The following STXBP6 variants were observed in gnomAD, a reference collection of about 807,000 sequenced individuals.
The protein encoded by STXBP6 is syntaxin-binding protein 6.
A neutral mutation model predicts 26.9 loss-of-function variants in STXBP6; 21 were observed. That is an observed-to-expected ratio of 0.78 (90% CI 0.55 to 1.12). STXBP6 has a LOEUF of 1.12. Ranked by LOEUF, STXBP6 falls within the 50% of genes most tolerant of loss-of-function variation. The pLI, the probability that STXBP6 is intolerant of heterozygous loss-of-function variation, is 0.00. For missense variants in STXBP6, 232 were observed against 257.9 expected (o/e 0.90, Z 0.69); for synonymous variants, 97 against 92.6 (o/e 1.05, Z -0.27).
chr14:24,987,915 C>T (rs1359750685), intron 1 of STXBP6: 1 of 981,852 alleles, frequency 1.0e-6, no homozygotes. Flanking sequence ...TGTCCTAACG[C>T]TGAGGATACT....
chr14:25,017,068 G>T (rs2075165479), intron 1 of STXBP6, among the ~76,000 whole-genome samples: 1 of 152,130 alleles, frequency 6.6e-6, no homozygotes, highest in Non-Finnish European at 1.5e-5. Context: ...TAGATGCCAG[G>T]TATAAAGTAG....
At position 24,971,127 on chromosome 14, in the gene STXBP6, C is replaced by T. The variant is rs929231441; in HGVS notation, c.154+3538G>A. On this transcript the variant is annotated intron_variant, in intron 2 of 5. Transcript: ENST00000323944. ...TCATCTTATTTATCCCACTCCAGCA[C>T]CTTTTTCGGATACCTCCAGAGGATA... Among the ~76,000 whole-genome samples, 11 of 152,156 alleles carry T rather than the reference C, an allele frequency of 7.2e-5. 1 individual carries two copies. The highest frequency in any genetic ancestry group is 2.7e-4 in the African/African-American group (11 of 41,422).
intron 1 of STXBP6, among the ~76,000 whole-genome samples, chr14:24,984,749 A>G (rs1381585969): frequency 6.6e-6 from 1 of 152,224 alleles, no homozygotes; most frequent in Non-Finnish European, 1.5e-5. Flanking sequence ...TGACTTTGGT[A>G]TTCAAAAAAT....
chr14:24,963,819 A>G (rs925160777), intron 2 of STXBP6, among the ~76,000 whole-genome samples: 2 of 152,144 alleles, frequency 1.3e-5, no homozygotes, highest in Non-Finnish European at 2.9e-5. Flanking sequence ...AGATTCTAAA[A>G]GTCTGAATAC....
intron 4 of STXBP6, among the ~76,000 whole-genome samples, chr14:24,837,341 T>C (rs1268554486): frequency 1.3e-5 from 2 of 152,214 alleles, no homozygotes; most frequent in Non-Finnish European, 2.9e-5. Context: ...AAGAAGCTAG[T>C]AGCATCATCT....
rs78176011 is a variant in STXBP6, at chr14:24,978,890, G to A, written c.-32-4040C>T. On this transcript the variant is annotated intron_variant, in intron 1 of 5. Transcript: ENST00000323944. The stretch of plus-strand genomic sequence containing the variant: ...ACCTCAGAGAACAGGTAGATGAAGC[G>A]CATAAGCAAAGGGGAACAGGTGTAA... Among the ~76,000 whole-genome samples the A allele has an allele frequency of 4.5e-3, 690 of 152,298 alleles. 14 individuals carry two copies. Among genetic ancestry groups the A allele is most frequent in the East Asian group, 0.045 (233 of 5,182 alleles).
At chr14:24,984,169 T>C (rs568891277) in intron 1 of STXBP6, among the ~76,000 whole-genome samples, 19 of 152,046 alleles carry the variant, frequency 1.2e-4, no homozygotes, top group African/African-American at 1.7e-4. Flanking sequence ...GAGGTGGAGG[T>C]TGCAGTGAGC....
rs1211659589 is a variant in STXBP6 at position 24,990,659 on chromosome 14, C to CAA, written c.-32-15811_-32-15810dup. 9.9e-3 allele frequency among the ~76,000 whole-genome samples: 569 copies of CAA among 57,292 alleles called. 32 individuals carry two copies. The highest frequency in any genetic ancestry group is 0.03 in the African/African-American group (463 of 15,462). The allele number at this position is 57,292 out of a possible 152,430, so 37.6% of individuals were successfully genotyped here. On this transcript the variant is annotated intron_variant, in intron 1 of 5. Transcript: ENST00000323944. ...GACATGAGTGAATGAAACTCCATCT[C>CAA]AAAAAAAAAAAAAAAAAAAAGATAA...
intron 4 of STXBP6, among the ~76,000 whole-genome samples, chr14:24,832,154 A>G (rs2068472689): frequency 6.6e-6 from 1 of 152,294 alleles, no homozygotes; most frequent in Non-Finnish European, 1.5e-5. Context: ...GCATGTACAC[A>G]TGTGCCAGTT....
chr14:24,814,583 G>C (rs2067916447), intron 5 of STXBP6, among the ~76,000 whole-genome samples: 1 of 152,198 alleles, frequency 6.6e-6, no homozygotes, highest in African/African-American at 2.4e-5. Flanking sequence ...TGGAGCTAAG[G>C]GGAGCCCCCG....
At chr14:24,998,706 A>C (rs1345306032) in intron 1 of STXBP6, among the ~76,000 whole-genome samples, 2 of 152,222 alleles carry the variant, frequency 1.3e-5, no homozygotes, top group Non-Finnish European at 2.9e-5. Flanking sequence ...GACACTGAAG[A>C]TGTAAGTGTT....
intron 2 of STXBP6, among the ~76,000 whole-genome samples, chr14:24,870,196 G>C (rs1315140788): frequency 2.0e-5 from 3 of 152,100 alleles, no homozygotes; most frequent in African/African-American, 7.2e-5. Flanking sequence ...ATTTGAGGCA[G>C]AAATCATCAA....
intron 4 of STXBP6, among the ~76,000 whole-genome samples, chr14:24,819,953 C>G (rs2068091970): frequency 6.6e-6 from 1 of 152,148 alleles, no homozygotes; most frequent in Non-Finnish European, 1.5e-5. Context: ...TACTCCCAAA[C>G]TCAGGAGTGG....
At chr14:24,945,139 ATTTTTTTTTTTTTT>A (rs552562019) in intron 2 of STXBP6, among the ~76,000 whole-genome samples, 2,962 of 100,794 alleles carry the variant, frequency 0.029, 144 homozygotes, top group African/African-American at 0.094. Flanking sequence ...CCAATTAGGA[ATTTTTTTTTTTTTT>A]TTTTTTTTTT....
chr14:24,838,780 T>A (rs189039254), intron 4 of STXBP6, among the ~76,000 whole-genome samples: 21 of 152,232 alleles, frequency 1.4e-4, no homozygotes, highest in Admixed American at 1.4e-3. Context: ...TTTAGAAATG[T>A]TCTGAGGGAG....
chr14:25,030,226 T>C (rs954580715), intron 1 of STXBP6, among the ~76,000 whole-genome samples: 3 of 152,200 alleles, frequency 2.0e-5, no homozygotes, highest in Non-Finnish European at 4.4e-5. Flanking sequence ...TGACTAGGCC[T>C]AGCCCCCAAA....
intron 2 of STXBP6, among the ~76,000 whole-genome samples, chr14:24,953,743 T>C (rs2073248246): frequency 6.6e-6 from 1 of 152,246 alleles, no homozygotes; most frequent in Non-Finnish European, 1.5e-5. Context: ...CAAAGATTTT[T>C]ATAAATAAAC....
Position 24,857,133 on chromosome 14 carries a change from G to C in STXBP6, c.179C>G (p.Ala60Gly). Reference sequence around the variant, plus strand: ...AAACTGTTTGACCTTTGTGATGGACGCCTGTGTGGGTTTCTTGTTTGTCAC... The same window carrying C: ...AAACTGTTTGACCTTTGTGATGGACCCCTGTGTGGGTTTCTTGTTTGTCAC... Reference protein sequence around the residue: ...LSVTNKKPTQASITKVKQFEG... With the variant: ...LSVTNKKPTQGSITKVKQFEG... The change falls in exon 3 of 6, where the codon GCG becomes GGG. Residue 60 changes from alanine (A) to glycine (G), a missense_variant. Transcript: ENST00000323944. 6.2e-7 allele frequency: 1 copy of C among 1,612,934 alleles called. No homozygotes were observed. Among genetic ancestry groups the C allele is most frequent in the Middle Eastern group, 1.7e-4 (1 of 6,044 alleles).
At chr14:24,843,390 C>T (rs574460495) in intron 4 of STXBP6, among the ~76,000 whole-genome samples, 49 of 152,282 alleles carry the variant, frequency 3.2e-4, no homozygotes, top group Non-Finnish European at 6.2e-4. Flanking sequence ...CCATTAACTC[C>T]TGTGTCCAGG....
Sources: gnomAD v4.1 joint callset for allele counts (sites outside exome capture counted in the v4.1 genomes callset) on GRCh38, gnomAD v4.1.1 for gene constraint, MANE v1.5 for transcripts, NCBI Gene and HGNC (gene_info 2026-07-23, HGNC 2026-07-21) for gene names.